Variants in ST7 observed in about 807,000 individuals in gnomAD.
The protein encoded by ST7 is suppression of tumorigenicity 7.
A neutral mutation model predicts 78.7 loss-of-function variants in ST7; 28 were observed. The ratio of observed to expected loss-of-function variants is 0.36; its 90% CI spans 0.26 to 0.49. ST7 has a LOEUF of 0.49. Ranked by LOEUF, ST7 falls within the 20% of genes least tolerant of loss-of-function variation. ST7 has a pLI of 0.99. For missense variants in ST7, 418 were observed against 696.0 expected (o/e 0.60, Z 4.49); for synonymous variants, 247 against 249.6 (o/e 0.99, Z 0.10).
intron 1 of ST7, among the ~76,000 whole-genome samples, chr7:116,983,237 T>C (rs971900626): frequency 6.6e-6 from 1 of 152,236 alleles, no homozygotes; most frequent in African/African-American, 2.4e-5. Context: ...TCTATCTCTC[T>C]TGAAATTATA....
At chr7:117,191,055 T>C (rs1809727729) in intron 12 of ST7, 119 bp downstream of exon 12, 2 of 780,400 alleles carry the variant, frequency 2.6e-6, no homozygotes, top group Non-Finnish European at 4.3e-6. Flanking sequence ...CAACAAATGT[T>C]GAGACCCTGT....
intron 2 of ST7, among the ~76,000 whole-genome samples, chr7:117,110,802 G>T (rs1584689621): frequency 6.6e-6 from 1 of 152,350 alleles, no homozygotes; most frequent in East Asian, 1.9e-4. Context: ...CAGCAATAAA[G>T]GGATTTCCCT....
chr7:116,956,038 C>T (rs1186546793), intron 1 of ST7, among the ~76,000 whole-genome samples: 2 of 152,126 alleles, frequency 1.3e-5, no homozygotes, highest in South Asian at 4.2e-4. Flanking sequence ...GAGAGGGTAG[C>T]AGGATCTGGG....
At chr7:117,098,513 C>T (rs1349475155) in intron 1 of ST7, 1 of 212,122 alleles carries the variant, frequency 4.7e-6, no homozygotes, top group African/African-American at 2.4e-5. Flanking sequence ...AATAGTTGCT[C>T]ATTTGCTTGT....
At chr7:117,079,386 T>A (rs193175915) in intron 1 of ST7, among the ~76,000 whole-genome samples, 15 of 152,320 alleles carry the variant, frequency 9.8e-5, no homozygotes, top group Admixed American at 9.8e-4. Flanking sequence ...CAACTATAAT[T>A]TCATACAGGA....
chr7:117,032,240 ATTATGT>A lies in ST7; in HGVS notation c.152-67515_152-67510del, dbSNP rs1796639464. 1.3e-5 allele frequency among the ~76,000 whole-genome samples: 2 copies of A among 152,090 alleles called. 1 individual carries two copies. Among genetic ancestry groups the A allele is most frequent in the South Asian group, 4.1e-4 (2 of 4,830 alleles). ...GGTTTTGTACTTAGAACATTTAAAA[ATTATGT>A]TTATGTAAATGCTACTTTTATGGCC... On this transcript the variant is annotated intron_variant, in intron 1 of 15. Transcript: ENST00000323984.
intron 1 of ST7, among the ~76,000 whole-genome samples, chr7:116,986,615 C>G (rs542504357): frequency 6.6e-6 from 1 of 152,208 alleles, no homozygotes; most frequent in African/African-American, 2.4e-5. Flanking sequence ...GTACCAATCC[C>G]AGTTGACATC....
At chr7:117,074,506 A>T (rs1274497490) in intron 1 of ST7, among the ~76,000 whole-genome samples, 1 of 147,778 alleles carries the variant, frequency 6.8e-6, no homozygotes, top group African/African-American at 2.5e-5. Context: ...GTTTATGGCG[A>T]CCCCCCTCAC....
At chr7:117,025,019 T>A (rs1228803983) in intron 1 of ST7, among the ~76,000 whole-genome samples, 1 of 152,200 alleles carries the variant, frequency 6.6e-6, no homozygotes, top group African/African-American at 2.4e-5. Context: ...TTTTCTGAAA[T>A]TTTGAGCCAT....
intron 1 of ST7, among the ~76,000 whole-genome samples, chr7:117,063,073 C>T (rs999283106): frequency 3.3e-5 from 5 of 152,060 alleles, no homozygotes; most frequent in Admixed American, 6.5e-5. Context: ...TTTAAGCATA[C>T]GGATATTGTC....
Position 116,993,504 on chromosome 7 carries a change from G to A in ST7, c.151+39813G>A, listed in dbSNP as rs186212617. ...TCCCACCGGCTCCCTCCCACAACAC[G>A]TGGGGATTATGGGAGTACAATTCAA... On this transcript the variant is annotated intron_variant, in intron 1 of 15. Transcript: ENST00000323984. 9.2e-5 allele frequency among the ~76,000 whole-genome samples: 14 copies of A among 152,300 alleles called. No homozygotes were observed. In the East Asian group the frequency reaches 1.5e-3, roughly 17 times the overall value.
intron 2 of ST7, among the ~76,000 whole-genome samples, chr7:117,118,705 G>A (rs1301432750): frequency 6.6e-6 from 1 of 152,142 alleles, no homozygotes; most frequent in Non-Finnish European, 1.5e-5. Flanking sequence ...AAAAGATGTG[G>A]GGGAGAACCG....
At chr7:117,118,563 T>C (rs1370768339) in intron 2 of ST7, 1 of 152,214 alleles carries the variant, frequency 6.6e-6, no homozygotes, top group Non-Finnish European at 1.5e-5. Context: ...AAGGTAATTC[T>C]ATGTTAATTG....
intron 9 of ST7, among the ~76,000 whole-genome samples, chr7:117,153,004 A>G (rs540349950): frequency 1.7e-4 from 26 of 152,320 alleles, no homozygotes; most frequent in Non-Finnish European, 3.5e-4. Flanking sequence ...GGGTCCCGGT[A>G]GAATAACCCC....
intron 1 of ST7, among the ~76,000 whole-genome samples, chr7:117,063,823 A>C (rs1798486092): frequency 6.6e-6 from 1 of 152,204 alleles, no homozygotes; most frequent in African/African-American, 2.4e-5. Flanking sequence ...AAAAACATAC[A>C]CTAACATGGA....
At chr7:117,053,702 G>C (rs193022551) in intron 1 of ST7, among the ~76,000 whole-genome samples, 1 of 152,166 alleles carries the variant, frequency 6.6e-6, no homozygotes, top group Admixed American at 6.5e-5. Context: ...GGAATAGGAT[G>C]GTCAGATAGA....
chr7:117,180,253 A>C (rs1808646402), intron 10 of ST7, among the ~76,000 whole-genome samples: 1 of 152,144 alleles, frequency 6.6e-6, no homozygotes, highest in Non-Finnish European at 1.5e-5. Flanking sequence ...ATCAGTGCCT[A>C]CCTACTTCTG....
intron 12 of ST7, among the ~76,000 whole-genome samples, chr7:117,191,943 CAG>C (rs1257805386): frequency 2.1e-5 from 3 of 143,260 alleles, no homozygotes; most frequent in Non-Finnish European, 4.5e-5. Flanking sequence ...TTCAGAGTGA[CAG>C]AGATAAGTGA....
At chr7:117,005,426 T>C (rs1365945632) in intron 1 of ST7, among the ~76,000 whole-genome samples, 1 of 152,222 alleles carries the variant, frequency 6.6e-6, no homozygotes, top group Non-Finnish European at 1.5e-5. Flanking sequence ...CCTGTGATGG[T>C]AAGCCACAAA....
Sources: gnomAD v4.1 joint callset for allele counts (sites outside exome capture counted in the v4.1 genomes callset) on GRCh38, gnomAD v4.1.1 for gene constraint, MANE v1.5 for transcripts, NCBI Gene and HGNC (gene_info 2026-07-23, HGNC 2026-07-21) for gene names.